The following EIF5 variants were observed in gnomAD, a reference collection of about 807,000 sequenced individuals.
EIF5 encodes the protein eukaryotic translation initiation factor 5.
In EIF5, 10 loss-of-function variants were observed where a neutral mutation model predicts 48.3. That is an observed-to-expected ratio of 0.21 (90% CI 0.13 to 0.35). EIF5 has a LOEUF of 0.35. Among genes scored for constraint, EIF5 ranks in the 10% least tolerant of loss-of-function variants. The probability of loss-of-function intolerance (pLI) is 1.00; values close to 1 mark genes in which losing one functional copy is unlikely to be tolerated. For synonymous variants in EIF5, 237 were observed against 173.1 expected, an observed-to-expected ratio of 1.37 and a Z score of -2.90; for missense variants, 397 against 533.2, an observed-to-expected ratio of 0.74 and a Z score of 2.51.
intron 11 of EIF5, 93 bp downstream of exon 11, chr14:103,340,654 G>A (rs1334255769): frequency 6.7e-7 from 1 of 1,493,402 alleles, no homozygotes; most frequent in Non-Finnish European, 9.0e-7. Context: ...ATGGCAGTTT[G>A]GGGTAATTTC....
intron 11 of EIF5, 129 bp from the exon 12 acceptor site, chr14:103,340,834 C>T (rs1022011782): frequency 7.0e-6 from 7 of 995,908 alleles, no homozygotes; most frequent in East Asian, 5.1e-5. Context: ...GTTTGCATAA[C>T]AGAGCTGTTC....
rs117445129 is a variant in EIF5 at position 103,342,155 on chromosome 14, C to G, written c.*1103C>G. The G allele has an allele frequency of 6.6e-6, 1 of 150,406 alleles. No individual in the cohort carries two copies. The highest frequency in any genetic ancestry group is 1.5e-5 in the Non-Finnish European group (1 of 67,562). 9.3% of individuals were successfully genotyped at this position (150,406 alleles called of 1,614,324 possible). ...CTTTCCTTTTTCTTTTTTTTTTCTT[C>G]CAGAATGTCTTATTTAAAAAGAAAG... On this transcript the variant is annotated 3_prime_UTR_variant, in exon 12 of 12. Transcript: ENST00000216554.
At position 103,340,974 on chromosome 14, in the gene EIF5, G is replaced by A. The variant is rs757358628; in HGVS notation, c.1218G>A (p.Ser406=). ...ATTCCTCTTAACAGGTGGTGTATTCGAAGGCTGCCAGTGTACCGAAAGTTG... is the reference window on the plus strand; with the variant it reads ...ATTCCTCTTAACAGGTGGTGTATTCAAAGGCTGCCAGTGTACCGAAAGTTG... ...DEDENIEVVY[S]KAASVPKVET... The change falls in exon 12 of 12, where the codon TCG becomes TCA. Residue 406 remains serine (S), a synonymous_variant. Coordinates refer to ENST00000216554, the MANE Select transcript of EIF5 (RefSeq NM_001969.5). 13 of 1,613,846 alleles carry A rather than the reference G, an allele frequency of 8.1e-6. No individual in the cohort carries two copies. The highest frequency in any genetic ancestry group is 4.5e-5 in the East Asian group (2 of 44,886).
chr14:103,339,740 C>T lies in EIF5; in HGVS notation c.1008C>T (p.Ile336=). 2 of 1,614,198 alleles carry T rather than the reference C, an allele frequency of 1.2e-6. No homozygotes were observed. The highest frequency in any genetic ancestry group is 8.5e-7 in the Non-Finnish European group (1 of 1,180,038). The change falls in exon 10 of 12, where the codon ATC becomes ATT. Residue 336 remains isoleucine, a synonymous_variant. Transcript: ENST00000216554. The stretch of plus-strand genomic sequence containing the variant: ...AGCTTATCTCCAAGATTCCACATAT[C>T]TTGAAGGAGATGTACGATGCAGACC... ...QAQLISKIPH[I]LKEMYDADLL...
chr14:103,344,683 C>G lies in EIF5; in HGVS notation c.*3631C>G, dbSNP rs545157668. The stretch of plus-strand genomic sequence containing the variant: ...CAATTTTGCTATGAGCCTAAAACCT[C>G]TTTAAAAACGGTCAGTTAACTAAAA... On this transcript the variant is annotated 3_prime_UTR_variant, in exon 12 of 12. Transcript: ENST00000216554. The G allele has an allele frequency of 2.0e-5, 3 of 152,142 alleles. No homozygotes were observed. Among genetic ancestry groups the G allele is most frequent in the Non-Finnish European group, 4.4e-5 (3 of 68,030 alleles). The allele number at this position is 152,142 out of a possible 1,614,324, so 9.4% of individuals were successfully genotyped here.
chr14:103,336,899 T>G, intron 5 of EIF5, 50 bp downstream of exon 5: 2 of 1,562,446 alleles, frequency 1.3e-6, no homozygotes, highest in African/African-American at 2.7e-5. Context: ...CCTGCTTCTG[T>G]GATACCGCTA....
intron 6 of EIF5, 156 bp from the exon 7 acceptor site, chr14:103,338,171 T>A (rs1199356767): frequency 2.0e-6 from 2 of 1,016,508 alleles, no homozygotes; most frequent in Non-Finnish European, 2.9e-6. Context: ...CATGATGAAT[T>A]TGATCTGTGA....
intron 6 of EIF5, chr14:103,337,449 A>C (rs923279502): frequency 9.7e-6 from 5 of 515,476 alleles, no homozygotes; most frequent in African/African-American, 1.9e-5. Flanking sequence ...TAAAAACACA[A>C]AAACTAGCTT....
intron 6 of EIF5, chr14:103,338,101 C>A (rs536617634): frequency 1.0e-5 from 7 of 676,250 alleles, no homozygotes; most frequent in East Asian, 8.0e-5. Context: ...TTAGCAGTTA[C>A]AATACCCCTA....
At chr14:103,339,441 T>A in intron 9 of EIF5, 108 bp downstream of exon 9, 2 of 1,458,740 alleles carry the variant, frequency 1.4e-6, no homozygotes, top group East Asian at 2.3e-5. Context: ...GTGGGGAAAT[T>A]GACCCACCTT....
At chr14:103,339,604 A>G in intron 9 of EIF5, 35 bp from the exon 10 acceptor site, 2 of 1,609,888 alleles carry the variant, frequency 1.2e-6, no homozygotes, top group Non-Finnish European at 1.7e-6. Context: ...AGAACACATA[A>G]AAAAGATTGT....
At chr14:103,340,847 TGAA>T (rs1258676681) in intron 11 of EIF5, 113 bp from the exon 12 acceptor site, 5 of 1,071,862 alleles carry the variant, frequency 4.7e-6, no homozygotes, top group Non-Finnish European at 7.0e-6. Flanking sequence ...AGCTGTTCCG[TGAA>T]GAAGAAATAG....
At position 103,337,155 on chromosome 14, in the gene EIF5, A is replaced by G; in HGVS notation, c.367A>G (p.Lys123Glu). 6.2e-7 allele frequency: 1 copy of G among 1,612,832 alleles called. No homozygotes were observed. Among genetic ancestry groups the G allele is most frequent in the Non-Finnish European group, 8.5e-7 (1 of 1,179,712 alleles). ...GAAGCAAACAATAGGTAATTCTTGT[A>G]AAGCCTGTGGCTATCGAGGCATGCT... The part of the protein sequence containing the change: ...PKKQTIGNSC[K>E]ACGYRGMLDT... The change falls in exon 6 of 12, where the codon AAA becomes GAA. Residue 123 changes from lysine (K) to glutamate (E), a missense_variant. Lys to Glu is a moderately conservative substitution (Grantham distance 56). Coordinates refer to ENST00000216554, the MANE Select transcript of EIF5 (RefSeq NM_001969.5).
In EIF5 at chr14:103,335,915, C is replaced by T. The variant is rs2089279131; in HGVS notation, c.55C>T (p.Pro19Ser). Residue 19 changes from proline to serine, a missense_variant, in exon 3 of 12, where the codon CCC (proline) becomes TCC (serine). By Grantham distance (74) the Pro-to-Ser change is moderately conservative. This residue lies in a region of EIF5 where 108 missense variants were observed against 188.3 expected (regional missense o/e 0.57). Coordinates refer to ENST00000216554, the MANE Select transcript of EIF5 (RefSeq NM_001969.5). ...AGACCAGTTCTATCGCTACAAGATG[C>T]CCCGTCTGATTGCCAAGGTAATAAA... ...VSDQFYRYKM[P>S]RLIAKVEGKG... 6.2e-7 allele frequency: 1 copy of T among 1,614,172 alleles called. No individual in the cohort carries two copies.
chr14:103,335,586 CGTT>C, intron 2 of EIF5, 64 bp from the exon 3 acceptor site: 1 of 502,410 alleles, frequency 2.0e-6, no homozygotes, highest in Non-Finnish European at 3.6e-6. Flanking sequence ...AAAAAGGAGG[CGTT>C]TCCATCCAGC....
At chr14:103,338,166 T>C (rs933660286) in intron 6 of EIF5, 161 bp from the exon 7 acceptor site, 1 of 963,794 alleles carries the variant, frequency 1.0e-6, no homozygotes. Context: ...AAATACATGA[T>C]GAATTTGATC....
rs1173081972 is a variant in EIF5, at chr14:103,335,857, C to A, written c.-4C>A. 7.4e-6 allele frequency: 12 copies of A among 1,613,970 alleles called. No homozygotes were observed. The highest frequency in any genetic ancestry group is 1.1e-5 in the South Asian group (1 of 91,082). On this transcript the variant is annotated 5_prime_UTR_variant, in exon 3 of 12. Transcript: ENST00000216554. ...CTTATTGATAAAGCCACTAATAAGC[C>A]AAAATGTCTGTCAATGTCAACCGCA... is the stretch of plus-strand genomic sequence containing the variant.
At chr14:103,340,389 A>G in intron 10 of EIF5, 38 bp from the exon 11 acceptor site, 2 of 1,580,440 alleles carry the variant, frequency 1.3e-6, no homozygotes, top group Non-Finnish European at 1.7e-6. Flanking sequence ...AAGTTGTTAA[A>G]ATTCCTCAAC....
Position 103,340,640 on chromosome 14 carries a change from T to TA in EIF5, c.1206+80dup. ...ATTTAAAAAGGTTTGTGAGGAGTGATATAATGGCAGTTTGGGGTAATTTCA... is the reference window on the plus strand; with the variant it reads ...ATTTAAAAAGGTTTGTGAGGAGTGATAATAATGGCAGTTTGGGGTAATTTCA... On this transcript the variant is annotated intron_variant, in intron 11 of 11. Transcript: ENST00000216554. 7.2e-6 allele frequency: 11 copies of TA among 1,518,752 alleles called. No homozygotes were observed. In the South Asian group the frequency reaches 1.3e-4, roughly 17 times the overall value. The allele number at this position is 1,518,752 out of a possible 1,614,324, so 94.1% of individuals were successfully genotyped here.
Sources: allele counts gnomAD v4.1 joint callset, GRCh38; gene constraint gnomAD v4.1.1; regional missense constraint gnomAD v4.1.1; transcripts MANE v1.5; gene names NCBI Gene and HGNC (gene_info 2026-07-23, HGNC 2026-07-21).